The following RTN1 variants were observed in gnomAD, a reference collection of about 807,000 sequenced individuals.
The protein encoded by RTN1 is reticulon 1, also known as reticulon-1.
In RTN1, 25 loss-of-function variants were observed where a neutral mutation model predicts 65.5. The ratio of observed to expected loss-of-function variants is 0.38; its 90% CI spans 0.28 to 0.53. The LOEUF is 0.53. Ranked by LOEUF, RTN1 falls within the 20% of genes least tolerant of loss-of-function variation. The probability of loss-of-function intolerance (pLI) is 0.79; values close to 1 mark genes in which losing one functional copy is unlikely to be tolerated. For missense variants in RTN1, 983 were observed against 1,025.4 expected (o/e 0.96, Z 0.57); for synonymous variants, 471 against 447.6 (o/e 1.05, Z -0.66).
rs879335563 is a variant in RTN1 at position 59,697,972 on chromosome 14, C to T, written c.1765+28947G>A. 3.3e-5 allele frequency among the ~76,000 whole-genome samples: 5 copies of T among 152,212 alleles called. No homozygotes were observed. In the South Asian group the frequency reaches 1.0e-3, roughly 32 times the overall value. ...TGGCCCAAAAAAGGGGATAAATGGA[C>T]TTAAAAGCACTCTGTGATGATAAAC... On this transcript the variant is annotated intron_variant, in intron 3 of 8. Coordinates refer to ENST00000267484, the MANE Select transcript of RTN1 (RefSeq NM_021136.3).
At chr14:59,807,903 C>CT (rs1886665056) in intron 1 of RTN1, among the ~76,000 whole-genome samples, 1 of 152,172 alleles carries the variant, frequency 6.6e-6, no homozygotes, top group African/African-American at 2.4e-5. Flanking sequence ...GGGTCCTGTT[C>CT]TTTCAATATA....
intron 1 of RTN1, among the ~76,000 whole-genome samples, chr14:59,765,014 A>G (rs1885823379): frequency 6.6e-6 from 1 of 152,210 alleles, no homozygotes. Flanking sequence ...TGATCATTGA[A>G]GTCCAGAGAC....
At chr14:59,625,980 A>C (rs1882386595) in intron 3 of RTN1, among the ~76,000 whole-genome samples, 1 of 152,186 alleles carries the variant, frequency 6.6e-6, no homozygotes, top group African/African-American at 2.4e-5. Flanking sequence ...TCCCATTAGA[A>C]TCTTTAGAGC....
At chr14:59,714,325 T>G (rs1436994142) in intron 3 of RTN1, among the ~76,000 whole-genome samples, 1 of 152,204 alleles carries the variant, frequency 6.6e-6, no homozygotes, top group Non-Finnish European at 1.5e-5. Flanking sequence ...CTCAATTTTA[T>G]ATTACATCAT....
intron 1 of RTN1, among the ~76,000 whole-genome samples, chr14:59,863,725 A>G (rs868840146): frequency 1.9e-4 from 29 of 152,134 alleles, no homozygotes; most frequent in African/African-American, 6.8e-4. Context: ...TTGGACACCA[A>G]ACAGACATTC....
intron 1 of RTN1, among the ~76,000 whole-genome samples, chr14:59,866,515 A>G (rs1156995332): frequency 6.7e-6 from 1 of 148,832 alleles, no homozygotes; most frequent in Non-Finnish European, 1.5e-5. Flanking sequence ...ATATTTATCA[A>G]TGTATTTTAA....
At chr14:59,687,043 T>G (rs1883860689) in intron 3 of RTN1, among the ~76,000 whole-genome samples, 1 of 152,166 alleles carries the variant, frequency 6.6e-6, no homozygotes, top group Non-Finnish European at 1.5e-5. Flanking sequence ...GAATTGTGCT[T>G]TCTCCTGTTG....
chr14:59,651,979 A>G (rs1883029281), intron 3 of RTN1, among the ~76,000 whole-genome samples: 1 of 152,214 alleles, frequency 6.6e-6, no homozygotes. Context: ...AGGAACTTAA[A>G]CAAATTTACA....
intron 1 of RTN1, among the ~76,000 whole-genome samples, chr14:59,845,618 C>A (rs962146582): frequency 6.6e-6 from 1 of 152,184 alleles, no homozygotes; most frequent in Non-Finnish European, 1.5e-5. Context: ...TACCAAATTA[C>A]TCTCTATTGT....
intron 1 of RTN1, among the ~76,000 whole-genome samples, chr14:59,810,202 T>A (rs1241604716): frequency 2.0e-5 from 3 of 152,084 alleles, no homozygotes; most frequent in African/African-American, 7.2e-5. Context: ...AAAAGGCAGG[T>A]TTGTTTCCCA....
In RTN1 at chr14:59,754,682, A is replaced by G. The variant is rs573350672; in HGVS notation, c.242-8201T>C. On this transcript the variant is annotated intron_variant, in intron 1 of 8. Transcript: ENST00000267484. ...CACACTCAATAAATGAGAGCTGTTG[A>G]TTTTCTTATTATCTTTATTTTTCAG... Among the ~76,000 whole-genome samples, 10 of 152,170 alleles carry G rather than the reference A, an allele frequency of 6.6e-5. No homozygotes were observed. The South Asian group carries it at 2.1e-3, about 32-fold the overall frequency.
At chr14:59,768,328 T>G (rs187641782) in intron 1 of RTN1, among the ~76,000 whole-genome samples, 1 of 152,240 alleles carries the variant, frequency 6.6e-6, no homozygotes, top group East Asian at 1.9e-4. Context: ...TATAGACTTT[T>G]CTTTGGCAAC....
At chr14:59,676,202 C>T (rs546320269) in intron 3 of RTN1, among the ~76,000 whole-genome samples, 3 of 152,310 alleles carry the variant, frequency 2.0e-5, no homozygotes, top group African/African-American at 7.2e-5. Context: ...GGAATGTATA[C>T]TTATGACTAA....
chr14:59,699,047 G>A (rs1594685314), intron 3 of RTN1, among the ~76,000 whole-genome samples: 2 of 152,196 alleles, frequency 1.3e-5, no homozygotes, highest in South Asian at 4.2e-4. Context: ...GTTCCAGCTG[G>A]AAGCTTGTTG....
At position 59,663,124 on chromosome 14, in the gene RTN1, C is replaced by T. The variant is rs149715460; in HGVS notation, c.1766-55632G>A. Among the ~76,000 whole-genome samples the T allele has an allele frequency of 5.8e-3, 877 of 152,274 alleles. 6 individuals carry two copies. The highest frequency in any genetic ancestry group is 0.01 in the Middle Eastern group (3 of 294). ...CAGAAATAACACCGCACATCTACAA[C>T]CATCTGATTTTGACAAACCTGACAA... is the stretch of plus-strand genomic sequence containing the variant. On this transcript the variant is annotated intron_variant, in intron 3 of 8. Coordinates refer to ENST00000267484, the MANE Select transcript of RTN1 (RefSeq NM_021136.3).
intron 1 of RTN1, among the ~76,000 whole-genome samples, chr14:59,813,603 T>A (rs748167794): frequency 3.9e-5 from 6 of 152,156 alleles, no homozygotes; most frequent in Admixed American, 1.3e-4. Context: ...GACTTTCAGA[T>A]CATTCTACCA....
At chr14:59,851,305 A>G (rs1887502358) in intron 1 of RTN1, among the ~76,000 whole-genome samples, 1 of 152,234 alleles carries the variant, frequency 6.6e-6, no homozygotes, top group Non-Finnish European at 1.5e-5. Context: ...TCTGTCTGGC[A>G]GAATGGCAGA....
intron 1 of RTN1, among the ~76,000 whole-genome samples, chr14:59,763,124 T>TTAAC (rs1885780699): frequency 6.6e-6 from 1 of 152,180 alleles, no homozygotes; most frequent in African/African-American, 2.4e-5. Context: ...ACACTTTGAT[T>TTAAC]TAACTAACTC....
At chr14:59,750,179 TATAATAC>T (rs1423361726) in intron 1 of RTN1, among the ~76,000 whole-genome samples, 1 of 64,588 alleles carries the variant, frequency 1.5e-5, no homozygotes, top group Non-Finnish European at 2.5e-5. Flanking sequence ...ATCTATAATA[TATAATAC>T]ATATATTATA....
Sources: gnomAD v4.1 joint callset for allele counts (sites outside exome capture counted in the v4.1 genomes callset) on GRCh38, gnomAD v4.1.1 for gene constraint, MANE v1.5 for transcripts, NCBI Gene and HGNC (gene_info 2026-07-23, HGNC 2026-07-21) for gene names.